The following SRPK2 variants were observed in gnomAD, a reference collection of about 807,000 sequenced individuals.
SRPK2 encodes the protein SRSF protein kinase 2.
A neutral mutation model predicts 90.8 loss-of-function variants in SRPK2; 21 were observed. The ratio of observed to expected loss-of-function variants is 0.23; its 90% CI spans 0.16 to 0.33. The LOEUF is 0.33. Ranked by LOEUF, SRPK2 falls within the 10% of genes least tolerant of loss-of-function variation. The pLI, the probability that SRPK2 is intolerant of heterozygous loss-of-function variation, is 1.00. For synonymous variants in SRPK2, 288 were observed against 311.1 expected, an observed-to-expected ratio of 0.93 and a Z score of 0.78; for missense variants, 620 against 869.0, an observed-to-expected ratio of 0.71 and a Z score of 3.60.
intron 3 of SRPK2, among the ~76,000 whole-genome samples, chr7:105,180,475 G>C (rs900709454): frequency 1.1e-4 from 16 of 152,124 alleles, no homozygotes; most frequent in African/African-American, 3.9e-4. Context: ...CCCTGGAAAG[G>C]CTGGGTGCAG....
rs1299146486 is a variant in SRPK2 at position 105,385,151 on chromosome 7, C to G, written c.71+3497G>C. Among the ~76,000 whole-genome samples the G allele has an allele frequency of 2.3e-5, 3 of 133,016 alleles. No homozygotes were observed. In the East Asian group the frequency reaches 6.7e-4, roughly 30 times the overall value. 87.3% of individuals were successfully genotyped at this position (133,016 alleles called of 152,430 possible). The stretch of plus-strand genomic sequence containing the variant: ...CCTCCCAAAGTGCTGGGATTACAGG[C>G]GTGAGCCACCGCGCCCGGCATTTTT... On this transcript the variant is annotated intron_variant, in intron 2 of 15. Transcript: ENST00000393651.
chr7:105,243,619 A>G (rs1396454639), intron 2 of SRPK2, among the ~76,000 whole-genome samples: 1 of 139,136 alleles, frequency 7.2e-6, no homozygotes, highest in Non-Finnish European at 1.5e-5. Flanking sequence ...TAACAGAGAG[A>G]GACTCCATCT....
At chr7:105,263,481 A>G (rs929995625) in intron 2 of SRPK2, among the ~76,000 whole-genome samples, 2 of 152,184 alleles carry the variant, frequency 1.3e-5, no homozygotes, top group Non-Finnish European at 2.9e-5. Flanking sequence ...ACACACAACA[A>G]TATGGATGAA....
chr7:105,251,708 C>T (rs998275762), intron 2 of SRPK2, among the ~76,000 whole-genome samples: 1 of 152,194 alleles, frequency 6.6e-6, no homozygotes, highest in Non-Finnish European at 1.5e-5. Flanking sequence ...AAAAGATGTC[C>T]TTTTTGCATA....
chr7:105,290,214 T>C (rs1005679013), intron 2 of SRPK2, among the ~76,000 whole-genome samples: 11 of 110,550 alleles, frequency 1.0e-4, no homozygotes, highest in Admixed American at 1.7e-4. Flanking sequence ...AAAAAAAAAA[T>C]GGCACAAACA....
chr7:105,128,512 C>T (rs945117609), intron 13 of SRPK2, among the ~76,000 whole-genome samples: 2 of 152,186 alleles, frequency 1.3e-5, no homozygotes, highest in African/African-American at 4.8e-5. Flanking sequence ...CTAGATTACA[C>T]ACTCAATGGC....
intron 3 of SRPK2, among the ~76,000 whole-genome samples, chr7:105,201,302 C>T (rs1795522662): frequency 6.6e-6 from 1 of 152,164 alleles, no homozygotes; most frequent in African/African-American, 2.4e-5. Flanking sequence ...TTGGGGGGGG[C>T]TGGCACGGGT....
intron 2 of SRPK2, among the ~76,000 whole-genome samples, chr7:105,379,570 CG>C (rs1316371963): frequency 6.6e-6 from 1 of 152,056 alleles, no homozygotes; most frequent in Non-Finnish European, 1.5e-5. Context: ...AGTATAGACT[CG>C]GGAGAGGCAT....
rs552605736 is a variant in SRPK2 at position 105,129,837 on chromosome 7, G to A, written c.1753-2775C>T. ...ACATTCTCCTATGCTGAAGTATCCC[G>A]ATTCTGAACAAATAAGATCACGTAT... is the stretch of plus-strand genomic sequence containing the variant. On this transcript the variant is annotated intron_variant, in intron 13 of 15. Coordinates refer to ENST00000393651, the MANE Select transcript of SRPK2 (RefSeq NM_182692.3). 1.5e-4 allele frequency among the ~76,000 whole-genome samples: 23 copies of A among 152,230 alleles called. No homozygotes were observed. In the South Asian group the frequency reaches 4.1e-3, roughly 27 times the overall value.
rs568098832 is a variant in SRPK2 at position 105,369,142 on chromosome 7, T to G, written c.71+19506A>C. 1.8e-3 allele frequency among the ~76,000 whole-genome samples: 271 copies of G among 149,194 alleles called. 1 individual carries two copies. The highest frequency in any genetic ancestry group is 6.4e-3 in the African/African-American group (261 of 40,720). On this transcript the variant is annotated intron_variant, in intron 2 of 15. Coordinates refer to ENST00000393651, the MANE Select transcript of SRPK2 (RefSeq NM_182692.3). ...AGATTTATTTTATTATTATTATTAT[T>G]ATTATTATTATTATTATTATTCGAG...
intron 2 of SRPK2, among the ~76,000 whole-genome samples, chr7:105,348,068 CTTTTTTTTTTTTTTT>C (rs770159031): frequency 2.5e-5 from 2 of 80,998 alleles, no homozygotes; most frequent in African/African-American, 5.0e-5. Context: ...GCTTGGCAAA[CTTTTTTTTTTTTTTT>C]TTTTTTTTTT....
chr7:105,219,389 G>A lies in SRPK2; in HGVS notation c.72-15604C>T, dbSNP rs145085252. Among the ~76,000 whole-genome samples the A allele has an allele frequency of 5.6e-3, 849 of 152,246 alleles. 6 individuals are homozygous for A. Among genetic ancestry groups the A allele is most frequent in the Non-Finnish European group, 9.6e-3 (650 of 68,018 alleles). On this transcript the variant is annotated intron_variant, in intron 2 of 15. Transcript: ENST00000393651. ...GGAATACGGAGACTTCTTCACTGGAGAAACTAAATAGCCCCACTCAGGCCA... is the reference window on the plus strand; with the variant it reads ...GGAATACGGAGACTTCTTCACTGGAAAAACTAAATAGCCCCACTCAGGCCA...
intron 2 of SRPK2, among the ~76,000 whole-genome samples, chr7:105,334,370 G>T (rs531471204): frequency 6.6e-6 from 1 of 152,108 alleles, no homozygotes; most frequent in Non-Finnish European, 1.5e-5. Context: ...GAGCCACCAC[G>T]CCCGGCCAAT....
intron 2 of SRPK2, 35 bp from the exon 3 acceptor site, chr7:105,203,820 G>A: frequency 6.4e-7 from 1 of 1,551,712 alleles, no homozygotes; most frequent in Non-Finnish European, 8.7e-7. Context: ...TATTTACTTA[G>A]AAGTACATCT....
intron 2 of SRPK2, among the ~76,000 whole-genome samples, chr7:105,241,269 A>C (rs1733944453): frequency 6.6e-6 from 1 of 152,186 alleles, no homozygotes; most frequent in African/African-American, 2.4e-5. Flanking sequence ...AACTTGTGCT[A>C]AACAGTTATG....
At chr7:105,328,311 C>T (rs1813833798) in intron 2 of SRPK2, among the ~76,000 whole-genome samples, 1 of 152,046 alleles carries the variant, frequency 6.6e-6, no homozygotes, top group Admixed American at 6.6e-5. Context: ...CCTGTAATCT[C>T]AGCATTTTGG....
At chr7:105,346,427 G>T (rs1816463602) in intron 2 of SRPK2, among the ~76,000 whole-genome samples, 1 of 152,024 alleles carries the variant, frequency 6.6e-6, no homozygotes, top group African/African-American at 2.4e-5. Flanking sequence ...ACTGTTATAT[G>T]AAGGTCAATA....
chr7:105,232,916 G>A (rs1161610681), intron 2 of SRPK2, among the ~76,000 whole-genome samples: 1 of 151,988 alleles, frequency 6.6e-6, no homozygotes, highest in Non-Finnish European at 1.5e-5. Context: ...AGGAGCCTGA[G>A]GCAGGAGAAT....
intron 7 of SRPK2, among the ~76,000 whole-genome samples, chr7:105,152,988 C>T (rs970183862): frequency 2.0e-5 from 3 of 152,082 alleles, no homozygotes; most frequent in Middle Eastern, 3.2e-3. Flanking sequence ...GAGCCGAGAT[C>T]GCGCCACTGC....
Sources: allele counts gnomAD v4.1 joint callset (sites outside exome capture counted in the v4.1 genomes callset), GRCh38; gene constraint gnomAD v4.1.1; transcripts MANE v1.5; gene names NCBI Gene and HGNC (gene_info 2026-07-23, HGNC 2026-07-21).